The following NCK2 variants were observed in gnomAD, a reference collection of about 807,000 sequenced individuals.
NCK2 encodes NCK adaptor protein 2, also known as cytoplasmic protein NCK2.
A neutral mutation model predicts 33.9 loss-of-function variants in NCK2; 16 were observed. The ratio of observed to expected loss-of-function variants is 0.47; its 90% CI spans 0.32 to 0.72. The LOEUF is 0.72. Ranked by LOEUF, NCK2 falls within the 30% of genes least tolerant of loss-of-function variation. The pLI, the probability that NCK2 is intolerant of heterozygous loss-of-function variation, is 0.03. For missense variants in NCK2, 418 were observed against 537.3 expected (o/e 0.78, Z 2.19); for synonymous variants, 273 against 239.9 (o/e 1.14, Z -1.27).
intron 1 of NCK2, among the ~76,000 whole-genome samples, chr2:105,807,508 G>T (rs1409652824): frequency 6.6e-6 from 1 of 152,066 alleles, no homozygotes; most frequent in African/African-American, 2.4e-5. Flanking sequence ...TGTAAAAATG[G>T]CATTATGTTT....
chr2:105,880,972 G>T (rs781502696), intron 3 of NCK2, among the ~76,000 whole-genome samples: 116 of 106,124 alleles, frequency 1.1e-3, no homozygotes, highest in Non-Finnish European at 1.7e-3. Context: ...TTTTTTTGCA[G>T]ACACGGTCTC....
chr2:105,852,519 C>T (rs976591414), intron 2 of NCK2, among the ~76,000 whole-genome samples: 8 of 152,106 alleles, frequency 5.3e-5, no homozygotes, highest in African/African-American at 1.4e-4. Flanking sequence ...GTTCGGTGTG[C>T]GTGAAAATAG....
At chr2:105,827,629 T>C (rs1248604077) in intron 2 of NCK2, among the ~76,000 whole-genome samples, 1 of 152,208 alleles carries the variant, frequency 6.6e-6, no homozygotes, top group Non-Finnish European at 1.5e-5. Flanking sequence ...AGTAACAAAT[T>C]TCAAAGCATT....
chr2:105,794,583 A>T (rs533252014), intron 1 of NCK2, among the ~76,000 whole-genome samples: 1 of 152,190 alleles, frequency 6.6e-6, no homozygotes, highest in South Asian at 2.1e-4. Flanking sequence ...TTGTATTTCA[A>T]AGTCTTTCAG....
intron 1 of NCK2, among the ~76,000 whole-genome samples, chr2:105,815,490 T>C (rs1345938008): frequency 6.6e-6 from 1 of 152,210 alleles, no homozygotes. Context: ...ATTAAAAATG[T>C]CAGTGAACTC....
At chr2:105,770,123 G>GT (rs1355075879) in intron 1 of NCK2, among the ~76,000 whole-genome samples, 4 of 59,878 alleles carry the variant, frequency 6.7e-5, no homozygotes, top group African/African-American at 3.6e-4. Context: ...GCACTAATAA[G>GT]TAAAAAAAAA....
intron 1 of NCK2, among the ~76,000 whole-genome samples, chr2:105,775,724 G>C: frequency 6.6e-6 from 1 of 152,142 alleles, no homozygotes; most frequent in Non-Finnish European, 1.5e-5. Context: ...TACCCTGGGA[G>C]CCTGGCTGGC....
At chr2:105,797,717 T>G (rs1691134371) in intron 1 of NCK2, among the ~76,000 whole-genome samples, 1 of 152,202 alleles carries the variant, frequency 6.6e-6, no homozygotes, top group Non-Finnish European at 1.5e-5. Flanking sequence ...TGATGCAAAG[T>G]CTTTCGTAAC....
chr2:105,809,099 T>G (rs890589583), intron 1 of NCK2, among the ~76,000 whole-genome samples: 2 of 152,158 alleles, frequency 1.3e-5, no homozygotes, highest in African/African-American at 4.8e-5. Flanking sequence ...TTTTGAAGAA[T>G]GAATAGGTGT....
At chr2:105,884,657 T>A (rs1678647261) in intron 4 of NCK2, among the ~76,000 whole-genome samples, 1 of 152,192 alleles carries the variant, frequency 6.6e-6, no homozygotes, top group Non-Finnish European at 1.5e-5. Context: ...CATGCTACAC[T>A]ATCCACTATC....
At chr2:105,844,901 G>A (rs998027285) in intron 2 of NCK2, among the ~76,000 whole-genome samples, 6 of 151,598 alleles carry the variant, frequency 4.0e-5, no homozygotes, top group Admixed American at 3.3e-4. Context: ...AAATGATAGG[G>A]ATGGTTTCTT....
At chr2:105,802,214 G>T (rs530491274) in intron 1 of NCK2, among the ~76,000 whole-genome samples, 1 of 152,158 alleles carries the variant, frequency 6.6e-6, no homozygotes, top group Non-Finnish European at 1.5e-5. Context: ...GAAGTGGAAC[G>T]GGAAGATGTG....
intron 1 of NCK2, among the ~76,000 whole-genome samples, chr2:105,792,651 C>T (rs1690929332): frequency 6.6e-6 from 1 of 151,956 alleles, no homozygotes; most frequent in African/African-American, 2.4e-5. Context: ...TTGGCAAAAC[C>T]CGGTCTTTTG....
At chr2:105,763,600 C>G (rs967982244) in intron 1 of NCK2, among the ~76,000 whole-genome samples, 1 of 151,796 alleles carries the variant, frequency 6.6e-6, no homozygotes, top group African/African-American at 2.4e-5. Context: ...GTTCTGGGAT[C>G]TGTGATTATT....
chr2:105,872,331 A>C (rs1678049437), intron 3 of NCK2, among the ~76,000 whole-genome samples: 1 of 152,042 alleles, frequency 6.6e-6, no homozygotes, highest in Admixed American at 6.5e-5. Context: ...TGTGGCCCTA[A>C]CACCTCCTTC....
chr2:105,861,811 G>A (rs762600919), intron 3 of NCK2, among the ~76,000 whole-genome samples: 57 of 151,478 alleles, frequency 3.8e-4, no homozygotes, highest in African/African-American at 1.2e-3. Context: ...CACCGCACCC[G>A]GCCAGTTTCT....
chr2:105,795,840 CG>C (rs1476974058), intron 1 of NCK2, among the ~76,000 whole-genome samples: 4 of 152,166 alleles, frequency 2.6e-5, no homozygotes, highest in Non-Finnish European at 4.4e-5. Context: ...TTCCTTCCTT[CG>C]CCGCTTCCTC....
At chr2:105,838,145 C>T (rs187770454) in intron 2 of NCK2, among the ~76,000 whole-genome samples, 79 of 151,466 alleles carry the variant, frequency 5.2e-4, no homozygotes, top group Admixed American at 1.6e-3. Context: ...TATTTATAAA[C>T]CTTAGCATTT....
At chr2:105,815,556 A>G (rs562547219) in intron 1 of NCK2, among the ~76,000 whole-genome samples, 1 of 152,206 alleles carries the variant, frequency 6.6e-6, no homozygotes, top group Non-Finnish European at 1.5e-5. Flanking sequence ...TCAAGGACTG[A>G]AAATACTTAC....
Sources: allele counts gnomAD v4.1 joint callset (sites outside exome capture counted in the v4.1 genomes callset), GRCh38; gene constraint gnomAD v4.1.1; transcripts MANE v1.5; gene names NCBI Gene and HGNC (gene_info 2026-07-23, HGNC 2026-07-21).